The following NRXN3 variants were observed in gnomAD, a reference collection of about 807,000 sequenced individuals.
NRXN3 encodes neurexin 3.
Under a neutral mutation model 137.6 loss-of-function variants are expected in NRXN3, and 32 were observed. That is an observed-to-expected ratio of 0.23 (90% CI 0.18 to 0.31). The LOEUF (loss-of-function observed/expected upper bound fraction) is 0.31, where lower values mean the gene tolerates loss of function less well. Among genes scored for constraint, NRXN3 ranks in the 10% least tolerant of loss-of-function variants. The probability of loss-of-function intolerance (pLI) is 1.00; values close to 1 mark genes in which losing one functional copy is unlikely to be tolerated. For synonymous variants in NRXN3, 798 were observed against 784.5 expected (o/e 1.02, Z -0.29); for missense variants, 1,574 against 2,062.5 (o/e 0.76, Z 4.59).
At chr14:79,374,860 T>C (rs1311365136) in intron 15 of NRXN3, among the ~76,000 whole-genome samples, 1 of 152,302 alleles carries the variant, frequency 6.6e-6, no homozygotes, top group East Asian at 1.9e-4. Flanking sequence ...GCAAGACTTC[T>C]TGGGTTTGCG....
intron 9 of NRXN3, among the ~76,000 whole-genome samples, chr14:78,808,817 G>T (rs1021217320): frequency 2.0e-5 from 3 of 151,920 alleles, no homozygotes; most frequent in Non-Finnish European, 2.9e-5. Context: ...CTTTATTCTT[G>T]CTCCTTTAAA....
At chr14:78,790,059 G>A (rs577460303) in intron 8 of NRXN3, among the ~76,000 whole-genome samples, 2 of 152,186 alleles carry the variant, frequency 1.3e-5, no homozygotes, top group African/African-American at 4.8e-5. Context: ...ATTATTGCAA[G>A]CAGTTGATAG....
intron 8 of NRXN3, among the ~76,000 whole-genome samples, chr14:78,752,750 G>C (rs1002959043): frequency 1.3e-4 from 20 of 152,332 alleles, no homozygotes; most frequent in Admixed American, 1.2e-3. Flanking sequence ...CAGATTGGCT[G>C]CAATGTGGGG....
intron 4 of NRXN3, among the ~76,000 whole-genome samples, chr14:78,624,967 G>T (rs61976101): frequency 0.094 from 14,337 of 152,090 alleles, 939 homozygotes; most frequent in African/African-American, 0.18. Flanking sequence ...TCAGCCTCCT[G>T]AGTAGCTGGG....
chr14:78,382,183 C>T (rs531516719), intron 4 of NRXN3, among the ~76,000 whole-genome samples: 5 of 152,306 alleles, frequency 3.3e-5, no homozygotes, highest in Admixed American at 6.5e-5. Flanking sequence ...GTCAGCCAAT[C>T]AGAACATGTG....
intron 16 of NRXN3, among the ~76,000 whole-genome samples, chr14:79,543,062 G>A (rs565501997): frequency 1.1e-4 from 17 of 152,220 alleles, no homozygotes; most frequent in African/African-American, 3.4e-4. Flanking sequence ...ATTAGCCTGC[G>A]ATACTGGCTT....
intron 4 of NRXN3, among the ~76,000 whole-genome samples, chr14:78,615,975 A>AACAAG (rs2152485049): frequency 6.6e-6 from 1 of 152,164 alleles, no homozygotes; most frequent in South Asian, 2.1e-4. Flanking sequence ...AACAAAACAA[A>AACAAG]TCAACAAAAC....
intron 4 of NRXN3, among the ~76,000 whole-genome samples, chr14:78,330,610 T>C (rs2080697779): frequency 6.6e-6 from 1 of 152,190 alleles, no homozygotes. Flanking sequence ...ATATAATGTA[T>C]TTCCTTGAAA....
chr14:78,470,684 G>T (rs1043721658), intron 4 of NRXN3, among the ~76,000 whole-genome samples: 1 of 152,178 alleles, frequency 6.6e-6, no homozygotes, highest in East Asian at 1.9e-4. Context: ...AGATAGAAAA[G>T]AGAAGAGAAA....
At chr14:78,875,034 T>C (rs1387010386) in intron 10 of NRXN3, among the ~76,000 whole-genome samples, 2 of 152,138 alleles carry the variant, frequency 1.3e-5, no homozygotes, top group Non-Finnish European at 2.9e-5. Context: ...ATGAATATAG[T>C]TGGAGGAAAT....
intron 4 of NRXN3, among the ~76,000 whole-genome samples, chr14:78,514,101 G>A (rs2096161276): frequency 6.6e-6 from 1 of 152,012 alleles, no homozygotes; most frequent in Admixed American, 6.6e-5. Flanking sequence ...TTTATGATTT[G>A]CAAAGCTAGC....
intron 1 of NRXN3, among the ~76,000 whole-genome samples, chr14:78,195,892 C>A (rs2061183686): frequency 6.6e-6 from 1 of 152,212 alleles, no homozygotes; most frequent in Non-Finnish European, 1.5e-5. Flanking sequence ...TTATGTAGTC[C>A]TTGTAAACTA....
chr14:79,800,725 C>T (rs1235145771), intron 19 of NRXN3, among the ~76,000 whole-genome samples: 1 of 152,142 alleles, frequency 6.6e-6, no homozygotes, highest in African/African-American at 2.4e-5. Flanking sequence ...TCAGATCCTG[C>T]ATTTGCTTAC....
chr14:79,639,998 T>C (rs541054379), intron 16 of NRXN3, among the ~76,000 whole-genome samples: 1 of 86,254 alleles, frequency 1.2e-5, no homozygotes, highest in African/African-American at 2.8e-5. Flanking sequence ...GTTATCCATA[T>C]AGGAATATTG....
At chr14:79,596,017 C>T (rs1270905654) in intron 16 of NRXN3, among the ~76,000 whole-genome samples, 1 of 150,362 alleles carries the variant, frequency 6.7e-6, no homozygotes. Context: ...GTCTCTTTCC[C>T]AATATATAAG....
chr14:79,703,524 A>ATTTATAAAGAAAAGAGGTT (rs2098763643), intron 19 of NRXN3, among the ~76,000 whole-genome samples: 1 of 152,064 alleles, frequency 6.6e-6, no homozygotes, highest in African/African-American at 2.4e-5. Flanking sequence ...AGACTAAGTA[A>ATTTATAAAGAAAAGAGGTT]TTTATAAAGA....
intron 15 of NRXN3, among the ~76,000 whole-genome samples, chr14:79,217,420 A>C (rs1207832922): frequency 3.9e-5 from 6 of 152,178 alleles, no homozygotes; most frequent in African/African-American, 1.2e-4. Context: ...TGAGGGATCC[A>C]TCCCCATGAC....
chr14:79,376,727 A>G (rs1476455112), intron 15 of NRXN3, among the ~76,000 whole-genome samples: 1 of 152,204 alleles, frequency 6.6e-6, no homozygotes, highest in Non-Finnish European at 1.5e-5. Flanking sequence ...GTCTCTTTAA[A>G]GCCTGGGAGC....
chr14:78,963,167 C>CTT lies in NRXN3; in HGVS notation c.2396-2849_2396-2848dup, dbSNP rs79834368. On this transcript the variant is annotated intron_variant, in intron 11 of 20. Coordinates refer to ENST00000335750, the MANE Select transcript of NRXN3 (RefSeq NM_001330195.2). ...AGTCTCTCTGCTATCTCAATAAACA[C>CTT]TTTTTTTTTTGCTATGAAAAATTAA... Among the ~76,000 whole-genome samples, 140 of 149,780 alleles carry CTT rather than the reference C, an allele frequency of 9.3e-4. 1 individual carries two copies. Among genetic ancestry groups the CTT allele is most frequent in the African/African-American group, 3.0e-3 (121 of 40,894 alleles).
Sources: allele counts gnomAD v4.1 joint callset (sites outside exome capture counted in the v4.1 genomes callset), GRCh38; gene constraint gnomAD v4.1.1; transcripts MANE v1.5; gene names NCBI Gene and HGNC (gene_info 2026-07-23, HGNC 2026-07-21).